PTPRK: variants seen among roughly 807,000 people sequenced by gnomAD.
PTPRK encodes protein tyrosine phosphatase receptor type K.
Under a neutral mutation model 178.0 loss-of-function variants are expected in PTPRK, and 75 were observed. The observed-to-expected ratio is 0.42, with a 90% CI of 0.35 to 0.51. The LOEUF is 0.51. Among genes scored for constraint, PTPRK ranks in the 20% least tolerant of loss-of-function variants. The pLI is 0.02. For missense variants in PTPRK, 1,441 were observed against 1,797.8 expected (o/e 0.80, Z 3.59); for synonymous variants, 637 against 620.6 (o/e 1.03, Z -0.39).
intron 7 of PTPRK, among the ~76,000 whole-genome samples, chr6:128,162,648 A>G (rs1420728240): frequency 6.6e-6 from 1 of 151,784 alleles, no homozygotes; most frequent in Non-Finnish European, 1.5e-5. Flanking sequence ...GAGCAGACAT[A>G]CTTAGTTAAA....
At chr6:128,299,041 T>C (rs1291870090) in intron 3 of PTPRK, among the ~76,000 whole-genome samples, 2 of 152,186 alleles carry the variant, frequency 1.3e-5, no homozygotes, top group South Asian at 2.1e-4. Context: ...ACAAAATCAA[T>C]GTGCAAAAAT....
At chr6:128,111,519 T>C (rs906292542) in intron 7 of PTPRK, among the ~76,000 whole-genome samples, 3 of 152,186 alleles carry the variant, frequency 2.0e-5, no homozygotes, top group African/African-American at 4.8e-5. Context: ...ACAGTAAAAA[T>C]TGCTATTTTA....
At chr6:128,491,418 C>A (rs1853750113) in intron 1 of PTPRK, among the ~76,000 whole-genome samples, 1 of 152,218 alleles carries the variant, frequency 6.6e-6, no homozygotes, top group Non-Finnish European at 1.5e-5. Context: ...GATTTTCTCA[C>A]ATTCCCAGTG....
chr6:128,104,102 C>A (rs1789260766), intron 7 of PTPRK, among the ~76,000 whole-genome samples: 1 of 152,226 alleles, frequency 6.6e-6, no homozygotes, highest in Admixed American at 6.5e-5. Context: ...TCCTGTAAGG[C>A]TTTATTCAAA....
chr6:128,360,917 TCA>T (rs1834653990), intron 2 of PTPRK, among the ~76,000 whole-genome samples: 9 of 152,266 alleles, frequency 5.9e-5, no homozygotes, highest in African/African-American at 2.2e-4. Context: ...ATAACCTGTG[TCA>T]TAATTCAGAA....
chr6:127,997,049 C>G (rs1031869395), intron 16 of PTPRK, 61 bp from the exon 17 acceptor site: 2 of 1,537,484 alleles, frequency 1.3e-6, no homozygotes, highest in African/African-American at 2.7e-5. Flanking sequence ...TCAGGTTTAT[C>G]TGTTCTGAAG....
chr6:128,244,465 T>A (rs752333717), intron 3 of PTPRK, among the ~76,000 whole-genome samples: 36 of 152,050 alleles, frequency 2.4e-4, no homozygotes, highest in Non-Finnish European at 8.8e-5. Context: ...CAACATCGAA[T>A]GGTTAAGAAA....
At chr6:128,072,439 T>G (rs1306182099) in intron 11 of PTPRK, among the ~76,000 whole-genome samples, 2 of 151,964 alleles carry the variant, frequency 1.3e-5, no homozygotes, top group Non-Finnish European at 2.9e-5. Flanking sequence ...CATTAGCTTA[T>G]AGTTGGCAAA....
chr6:128,006,838 C>T (rs967251461), intron 14 of PTPRK, among the ~76,000 whole-genome samples: 1 of 150,798 alleles, frequency 6.6e-6, no homozygotes, highest in Non-Finnish European at 1.5e-5. Context: ...AGCCTAAAAA[C>T]TTACTTTATA....
chr6:128,131,995 G>T (rs1464159914), intron 7 of PTPRK, among the ~76,000 whole-genome samples: 1 of 151,956 alleles, frequency 6.6e-6, no homozygotes, highest in Non-Finnish European at 1.5e-5. Flanking sequence ...GTCTTTAAAG[G>T]TCAAATCAAT....
intron 1 of PTPRK, among the ~76,000 whole-genome samples, chr6:128,403,250 T>C (rs1156895606): frequency 6.6e-6 from 1 of 152,184 alleles, no homozygotes; most frequent in Non-Finnish European, 1.5e-5. Flanking sequence ...TAAACAATCT[T>C]CAATAAGACT....
At chr6:128,429,961 T>C (rs1844619977) in intron 1 of PTPRK, among the ~76,000 whole-genome samples, 1 of 152,226 alleles carries the variant, frequency 6.6e-6, no homozygotes, top group African/African-American at 2.4e-5. Context: ...TGAAATTTTA[T>C]TTATAAAAGA....
intron 5 of PTPRK, among the ~76,000 whole-genome samples, chr6:128,229,299 T>C (rs1811913851): frequency 6.6e-6 from 1 of 152,222 alleles, no homozygotes; most frequent in African/African-American, 2.4e-5. Flanking sequence ...CCACCTTCCT[T>C]ATGTCACTGA....
At chr6:128,120,520 C>G (rs1043353148) in intron 7 of PTPRK, among the ~76,000 whole-genome samples, 1 of 151,994 alleles carries the variant, frequency 6.6e-6, no homozygotes. Flanking sequence ...TAAGGAATTA[C>G]CAAACTCATA....
intron 1 of PTPRK, among the ~76,000 whole-genome samples, chr6:128,464,232 A>C (rs1849458721): frequency 6.6e-6 from 1 of 152,138 alleles, no homozygotes; most frequent in African/African-American, 2.4e-5. Flanking sequence ...CAGTTGCTTC[A>C]ACAGAAGTCA....
intron 7 of PTPRK, among the ~76,000 whole-genome samples, chr6:128,160,059 A>T (rs567982707): frequency 6.6e-6 from 1 of 151,820 alleles, no homozygotes; most frequent in African/African-American, 2.4e-5. Flanking sequence ...TTCTCATTTC[A>T]GGGCATTGGA....
chr6:128,148,728 C>A (rs1583222868), intron 7 of PTPRK, among the ~76,000 whole-genome samples: 1 of 152,102 alleles, frequency 6.6e-6, no homozygotes, highest in East Asian at 1.9e-4. Context: ...ATTAGCCTTT[C>A]ATTTCTTACC....
At chr6:127,973,859 C>T in intron 27 of PTPRK, 32 bp from the exon 28 acceptor site, 1 of 1,588,248 alleles carries the variant, frequency 6.3e-7, no homozygotes, top group Non-Finnish European at 8.6e-7. Flanking sequence ...TGTAAATACG[C>T]TGGGACTACA....
intron 8 of PTPRK, among the ~76,000 whole-genome samples, chr6:128,086,298 T>A (rs917672593): frequency 6.6e-6 from 1 of 152,188 alleles, no homozygotes; most frequent in Admixed American, 6.5e-5. Flanking sequence ...CAAAAATAGC[T>A]TTGTAGTCTC....
Sources: allele counts gnomAD v4.1 joint callset (sites outside exome capture counted in the v4.1 genomes callset), GRCh38; gene constraint gnomAD v4.1.1; transcripts MANE v1.5; gene names NCBI Gene and HGNC (gene_info 2026-07-23, HGNC 2026-07-21).